Variants in ZPBP observed in about 807,000 individuals in gnomAD.
The protein encoded by ZPBP is zona pellucida-binding protein 1.
ZPBP carries 26 observed loss-of-function variants against 44.8 expected under a neutral mutation model. The observed-to-expected ratio is 0.58, with a 90% CI of 0.43 to 0.81. The LOEUF (loss-of-function observed/expected upper bound fraction) is 0.81, where lower values mean the gene tolerates loss of function less well. ZPBP is among the 30% of genes least tolerant of loss of function. The pLI is 0.00. For synonymous variants in ZPBP, 174 were observed against 153.2 expected, an observed-to-expected ratio of 1.14 and a Z score of -1.00; for missense variants, 409 against 434.0, an observed-to-expected ratio of 0.94 and a Z score of 0.51.
At chr7:49,855,819 C>G (rs142769906) in intron 2 of ZPBP, among the ~76,000 whole-genome samples, 3 of 152,130 alleles carry the variant, frequency 2.0e-5, no homozygotes, top group South Asian at 2.1e-4. Flanking sequence ...CGGTGGCTGA[C>G]GGTGCACGTT....
intron 4 of ZPBP, among the ~76,000 whole-genome samples, chr7:50,034,214 T>C (rs1799730749): frequency 6.6e-6 from 1 of 151,990 alleles, no homozygotes; most frequent in African/African-American, 2.4e-5. Context: ...AGGCTGAGTC[T>C]TGAATTTTTA....
chr7:50,092,207 G>T (rs1158110394), intron 1 of ZPBP, among the ~76,000 whole-genome samples: 1 of 152,098 alleles, frequency 6.6e-6, no homozygotes, highest in Non-Finnish European at 1.5e-5. Flanking sequence ...TATCCAAGAA[G>T]CATCTTTCTC....
At chr7:49,984,613 G>A (rs1797170120) in intron 6 of ZPBP, among the ~76,000 whole-genome samples, 1 of 152,196 alleles carries the variant, frequency 6.6e-6, no homozygotes, top group Admixed American at 6.5e-5. Context: ...GTGATCCAAT[G>A]AGAATCTAAT....
intron 3 of ZPBP, among the ~76,000 whole-genome samples, chr7:50,074,478 G>C (rs1562609320): frequency 6.6e-6 from 1 of 151,742 alleles, no homozygotes; most frequent in Non-Finnish European, 1.5e-5. Context: ...AAAATAGACA[G>C]AGTAGATGAA....
At chr7:50,047,179 G>A (rs1262618487) in intron 4 of ZPBP, among the ~76,000 whole-genome samples, 2 of 152,040 alleles carry the variant, frequency 1.3e-5, no homozygotes, top group Non-Finnish European at 2.9e-5. Flanking sequence ...ATAGCATTAG[G>A]AGAAATACCT....
At chr7:49,856,236 G>A (rs922703722) in intron 2 of ZPBP, among the ~76,000 whole-genome samples, 2 of 152,162 alleles carry the variant, frequency 1.3e-5, no homozygotes, top group African/African-American at 4.8e-5. Context: ...TCATGAGGGT[G>A]GATTCTGCAT....
At position 50,093,061 on chromosome 7, in the gene ZPBP, C is replaced by T. The variant is rs781711515; in HGVS notation, c.127+7G>A. 6.3e-7 allele frequency: 1 copy of T among 1,598,622 alleles called. No homozygotes were observed. The highest frequency in any genetic ancestry group is 8.5e-7 in the Non-Finnish European group (1 of 1,173,272). On this transcript the variant is annotated splice_region_variant and intron_variant, in intron 1 of 7. Transcript: ENST00000046087. ...TGCGGAGCCGGCAGGGCGGCGCGGA[C>T]CCTCACCTGATGAGGGCACCCGCAC...
chr7:49,877,481 A>AAAAAAATACATAT, intron 2 of ZPBP, among the ~76,000 whole-genome samples: 1 of 12,722 alleles, frequency 7.9e-5, no homozygotes, highest in African/African-American at 2.8e-4. Flanking sequence ...AAAAAAAAAA[A>AAAAAAATACATAT]ATATATATAT....
chr7:49,984,664 C>T (rs369609180), intron 6 of ZPBP, among the ~76,000 whole-genome samples: 11 of 152,254 alleles, frequency 7.2e-5, no homozygotes, highest in Admixed American at 4.6e-4. Flanking sequence ...CAGGCAGTAA[C>T]GTTCGCTTGC....
intron 7 of ZPBP, chr7:49,940,845 T>C (rs182880578): frequency 1.6e-5 from 15 of 966,024 alleles, no homozygotes; most frequent in Middle Eastern, 5.3e-4. Context: ...TGGTTTGTGA[T>C]GGGTGCAGTT....
intron 2 of ZPBP, among the ~76,000 whole-genome samples, chr7:49,865,746 T>C (rs1393542264): frequency 1.3e-5 from 2 of 152,204 alleles, no homozygotes; most frequent in Non-Finnish European, 1.5e-5. Context: ...AGGTCTATTA[T>C]GGTAACAAGC....
intron 7 of ZPBP, among the ~76,000 whole-genome samples, chr7:49,948,211 A>ACTTG (rs1795185127): frequency 6.6e-6 from 1 of 152,170 alleles, no homozygotes; most frequent in African/African-American, 2.4e-5. Flanking sequence ...TATCCAAGCT[A>ACTTG]ATGCTTGATT....
intron 7 of ZPBP, chr7:49,943,024 G>A: frequency 3.6e-6 from 1 of 274,964 alleles, no homozygotes; most frequent in Non-Finnish European, 7.0e-6. Flanking sequence ...GTGAAAGCTG[G>A]GGGGCCACAG....
intron 2 of ZPBP, among the ~76,000 whole-genome samples, chr7:49,867,169 G>A (rs937015792): frequency 6.6e-6 from 1 of 152,200 alleles, no homozygotes; most frequent in African/African-American, 2.4e-5. Flanking sequence ...TGCAAGGAAG[G>A]CCTTTCCCTT....
At chr7:50,006,436 G>A (rs148142852) in intron 6 of ZPBP, among the ~76,000 whole-genome samples, 75 of 151,976 alleles carry the variant, frequency 4.9e-4, no homozygotes, top group Middle Eastern at 3.4e-3. Context: ...TCAATTTTCC[G>A]TTTCTAATTT....
At chr7:49,982,268 A>G (rs1797038021) in intron 7 of ZPBP, among the ~76,000 whole-genome samples, 1 of 105,760 alleles carries the variant, frequency 9.5e-6, no homozygotes, top group Non-Finnish European at 1.8e-5. Flanking sequence ...ATTATATATT[A>G]TATATAATTT....
intron 5 of ZPBP, among the ~76,000 whole-genome samples, chr7:50,023,474 C>T (rs1580402): frequency 5.1e-4 from 77 of 151,982 alleles, no homozygotes; most frequent in Admixed American, 1.8e-3. Context: ...TCTAGTACTA[C>T]GATAAACAGT....
chr7:49,869,498 C>G (rs924507017), intron 2 of ZPBP, among the ~76,000 whole-genome samples: 1 of 152,086 alleles, frequency 6.6e-6, no homozygotes, highest in Admixed American at 6.5e-5. Context: ...AAAGTAGGTG[C>G]TATGGTTGCT....
At chr7:50,053,591 C>T (rs1488142095) in intron 4 of ZPBP, among the ~76,000 whole-genome samples, 1 of 152,148 alleles carries the variant, frequency 6.6e-6, no homozygotes, top group Non-Finnish European at 1.5e-5. Context: ...ATAATCTTAT[C>T]TTTTGAATTT....
Sources: gnomAD v4.1 joint callset for allele counts (sites outside exome capture counted in the v4.1 genomes callset) on GRCh38, gnomAD v4.1.1 for gene constraint, MANE v1.5 for transcripts, NCBI Gene and HGNC (gene_info 2026-07-23, HGNC 2026-07-21) for gene names.